The following TMEM154 variants were observed in gnomAD, a reference collection of about 807,000 sequenced individuals.
TMEM154 encodes the protein transmembrane protein 154.
Under a neutral mutation model 24.5 loss-of-function variants are expected in TMEM154, and 27 were observed. That is an observed-to-expected ratio of 1.10 (90% CI 0.81 to 1.52). The LOEUF (loss-of-function observed/expected upper bound fraction) is 1.52, where lower values mean the gene tolerates loss of function less well. TMEM154 is among the 40% of genes most tolerant of loss of function. TMEM154 has a pLI of 0.00. For missense variants in TMEM154, 228 were observed against 213.4 expected (o/e 1.07, Z -0.43); for synonymous variants, 67 against 76.8 (o/e 0.87, Z 0.67).
At chr4:152,649,341 G>A (rs1728329992) in intron 3 of TMEM154, among the ~76,000 whole-genome samples, 1 of 152,220 alleles carries the variant, frequency 6.6e-6, no homozygotes, top group Admixed American at 6.5e-5. Flanking sequence ...AAGTACCCAA[G>A]TCTGCTTTAG....
chr4:152,671,664 G>A (rs1458165021), intron 1 of TMEM154, among the ~76,000 whole-genome samples: 1 of 140,008 alleles, frequency 7.1e-6, no homozygotes, highest in Non-Finnish European at 1.5e-5. Context: ...GGAGAATGGC[G>A]TGAACCCGGG....
chr4:152,623,396 T>C lies in TMEM154; in HGVS notation c.*5150A>G, dbSNP rs549747543. The C allele has an allele frequency of 1.8e-4, 28 of 152,360 alleles. No homozygotes were observed. Among genetic ancestry groups the C allele is most frequent in the African/African-American group, 6.7e-4 (28 of 41,586 alleles). 9.4% of individuals were successfully genotyped at this position (152,360 alleles called of 1,614,324 possible). ...TTGAATACCTATAATCTCTGCTTTTTCTGAAAGCTGGCATTTATTAAACAT... is the reference window on the plus strand; with the variant it reads ...TTGAATACCTATAATCTCTGCTTTTCCTGAAAGCTGGCATTTATTAAACAT... On this transcript the variant is annotated 3_prime_UTR_variant, in exon 7 of 7. Coordinates refer to ENST00000304385, the MANE Select transcript of TMEM154 (RefSeq NM_152680.3).
Position 152,662,752 on chromosome 4 carries a change from C to T in TMEM154, c.65-9825G>A, listed in dbSNP as rs559699693. Among the ~76,000 whole-genome samples, 37 of 152,246 alleles carry T rather than the reference C, an allele frequency of 2.4e-4. 1 individual carries two copies. The South Asian group carries it at 4.4e-3, about 18-fold the overall frequency. ...ATCGTCCATGGAGATTTCCTGCGGG[C>T]GGCATCCTGGGCTTCTTGGGTGAAA... is the stretch of plus-strand genomic sequence containing the variant. On this transcript the variant is annotated intron_variant, in intron 1 of 6. Transcript: ENST00000304385.
chr4:152,658,559 G>C (rs541824139), intron 1 of TMEM154, among the ~76,000 whole-genome samples: 6 of 151,370 alleles, frequency 4.0e-5, no homozygotes, highest in African/African-American at 1.2e-4. Flanking sequence ...TATAATCTCA[G>C]CATTTTTGGA....
At chr4:152,679,733 C>A in intron 1 of TMEM154, 137 bp downstream of exon 1, 1 of 1,316,538 alleles carries the variant, frequency 7.6e-7, no homozygotes, top group Non-Finnish European at 1.1e-6. Flanking sequence ...AAAAGGAGTT[C>A]TAATTTTCTC....
rs528919947 is a variant in TMEM154 at position 152,648,858 on chromosome 4, G to A, written c.364+3680C>T. Among the ~76,000 whole-genome samples, 42 of 152,264 alleles carry A rather than the reference G, an allele frequency of 2.8e-4. 1 individual carries two copies. In the South Asian group the frequency reaches 5.2e-3, roughly 19 times the overall value. On this transcript the variant is annotated intron_variant, in intron 3 of 6. Transcript: ENST00000304385. ...ATTAGGTAAAACCAGTCATGGTTTG[G>A]GGAAGGAAATTATGACTTTTCCTGA...
At chr4:152,639,799 T>C (rs1024155640) in intron 6 of TMEM154, 4 of 152,932 alleles carry the variant, frequency 2.6e-5, no homozygotes, top group Admixed American at 2.0e-4. Flanking sequence ...TTAAATAGGA[T>C]AGAATCCTTC....
Position 152,652,768 on chromosome 4 carries a change from TCTAA to T in TMEM154, c.220_223del (p.Leu74SerfsTer4). ...TGGGATTAACACCATCAGTATAAAC[TCTAA>T]CTGATTTTCATCCGGAGCAAAGTTG... On this transcript the variant is annotated frameshift_variant, in exon 2 of 7. Transcript: ENST00000304385. LOFTEE classifies it high-confidence loss of function. 1.2e-6 allele frequency: 2 copies of T among 1,614,064 alleles called. No individual in the cohort carries two copies. Among genetic ancestry groups the T allele is most frequent in the Non-Finnish European group, 1.7e-6 (2 of 1,179,982 alleles).
chr4:152,660,382 C>A (rs773717030), intron 1 of TMEM154, among the ~76,000 whole-genome samples: 6 of 151,232 alleles, frequency 4.0e-5, no homozygotes, highest in East Asian at 3.9e-4. Context: ...CCCCGCCCCC[C>A]CCTCACTTTA....
At chr4:152,664,912 C>T (rs556549840) in intron 1 of TMEM154, among the ~76,000 whole-genome samples, 2 of 151,508 alleles carry the variant, frequency 1.3e-5, no homozygotes, top group South Asian at 4.2e-4. Context: ...AAAAGCCTGA[C>T]TCCTTTTCAT....
At chr4:152,637,078 G>A (rs1752164111) in intron 6 of TMEM154, among the ~76,000 whole-genome samples, 1 of 152,130 alleles carries the variant, frequency 6.6e-6, no homozygotes, top group East Asian at 1.9e-4. Flanking sequence ...TTGATAATGG[G>A]GGAGGCTGTG....
At chr4:152,650,827 C>T (rs1174851409) in intron 3 of TMEM154, among the ~76,000 whole-genome samples, 1 of 152,210 alleles carries the variant, frequency 6.6e-6, no homozygotes, top group Non-Finnish European at 1.5e-5. Context: ...ACGTTAGTCT[C>T]CTTGTACATC....
chr4:152,662,479 G>C (rs1052296687), intron 1 of TMEM154, among the ~76,000 whole-genome samples: 1 of 152,196 alleles, frequency 6.6e-6, no homozygotes, highest in Non-Finnish European at 1.5e-5. Context: ...TCAGCAGCCA[G>C]GAGTGGATTG....
chr4:152,652,950 G>T (rs746536453), intron 1 of TMEM154, 23 bp from the exon 2 acceptor site: 1 of 1,560,856 alleles, frequency 6.4e-7, no homozygotes, highest in East Asian at 2.3e-5. Flanking sequence ...ATACAAAATT[G>T]AAATTTCCAT....
At chr4:152,669,949 G>A (rs1357791635) in intron 1 of TMEM154, 2 of 152,146 alleles carry the variant, frequency 1.3e-5, no homozygotes, top group Non-Finnish European at 2.9e-5. Flanking sequence ...TCAACAACTG[G>A]AGTAGATTTT....
intron 5 of TMEM154, chr4:152,641,541 T>C (rs1390766200): frequency 6.6e-6 from 1 of 152,326 alleles, no homozygotes; most frequent in Admixed American, 6.5e-5. Context: ...TCCAGTTTTC[T>C]GGTTTTAGTG....
At chr4:152,629,414 T>C (rs533375188) in intron 6 of TMEM154, among the ~76,000 whole-genome samples, 1 of 152,226 alleles carries the variant, frequency 6.6e-6, no homozygotes, top group Non-Finnish European at 1.5e-5. Flanking sequence ...ATAAATGATG[T>C]ACATGGTATT....
At position 152,625,098 on chromosome 4, in the gene TMEM154, T is replaced by C. The variant is rs1414180416; in HGVS notation, c.*3448A>G. On this transcript the variant is annotated 3_prime_UTR_variant, in exon 7 of 7. Transcript: ENST00000304385. ...TTTCTTTAGTCAACATAAGGCCTTT[T>C]TTCAGAGATGGTGTGAATTAATAGT... The C allele has an allele frequency of 5.6e-5, 8 of 143,882 alleles. No individual in the cohort carries two copies. Among genetic ancestry groups the C allele is most frequent in the Non-Finnish European group, 1.3e-4 (8 of 63,314 alleles). The allele number at this position is 143,882 out of a possible 1,614,324, so 8.9% of individuals were successfully genotyped here. A position where few individuals can be genotyped will look rare whatever the true frequency, so the allele number is the denominator to read the frequency against.
intron 1 of TMEM154, among the ~76,000 whole-genome samples, chr4:152,671,422 A>G (rs1728833900): frequency 6.6e-6 from 1 of 152,100 alleles, no homozygotes; most frequent in African/African-American, 2.4e-5. Flanking sequence ...TGGAGATGAG[A>G]CTAGAGGCAA....
Sources: allele counts gnomAD v4.1 joint callset (sites outside exome capture counted in the v4.1 genomes callset), GRCh38; gene constraint gnomAD v4.1.1; transcripts MANE v1.5; gene names NCBI Gene and HGNC (gene_info 2026-07-23, HGNC 2026-07-21).